The following TOPAZ1 variants were observed in gnomAD, a reference collection of about 807,000 sequenced individuals.
The protein encoded by TOPAZ1 is protein TOPAZ1.
A neutral mutation model predicts 172.2 loss-of-function variants in TOPAZ1; 66 were observed. The ratio of observed to expected loss-of-function variants is 0.38; its 90% CI spans 0.31 to 0.47. The LOEUF (loss-of-function observed/expected upper bound fraction) is 0.47, where lower values mean the gene tolerates loss of function less well. TOPAZ1 is among the 20% of genes least tolerant of loss of function. The probability of loss-of-function intolerance (pLI) is 0.99; values close to 1 mark genes in which losing one functional copy is unlikely to be tolerated. For missense variants in TOPAZ1, 1,822 were observed against 1,972.4 expected (o/e 0.92, Z 1.44); for synonymous variants, 681 against 683.9 (o/e 1.00, Z 0.07).
chr3:44,331,714 A>G, intron 19 of TOPAZ1, 78 bp from the exon 20 acceptor site: 1 of 1,115,796 alleles, frequency 9.0e-7, no homozygotes, highest in South Asian at 1.4e-5. Flanking sequence ...AGTACCAGTA[A>G]ATGTAAATGA....
At chr3:44,282,186 T>G (rs1329677478) in intron 9 of TOPAZ1, among the ~76,000 whole-genome samples, 155 bp downstream of exon 9, 1 of 152,152 alleles carries the variant, frequency 6.6e-6, no homozygotes, top group Non-Finnish European at 1.5e-5. Context: ...AATGAGATAT[T>G]TTGGTTAATA....
intron 16 of TOPAZ1, among the ~76,000 whole-genome samples, chr3:44,318,428 G>A (rs1418956297): frequency 6.7e-6 from 1 of 149,962 alleles, no homozygotes; most frequent in Non-Finnish European, 1.5e-5. Context: ...CTCCAGCCCG[G>A]GTGACAGACT....
At chr3:44,298,893 A>ATT in intron 12 of TOPAZ1, among the ~76,000 whole-genome samples, 1 of 7,290 alleles carries the variant, frequency 1.4e-4, no homozygotes, top group East Asian at 0.012. Flanking sequence ...TATATATATT[A>ATT]TATATATATA....
rs138444572 is a variant in TOPAZ1 at position 44,317,346 on chromosome 3, G to A, written c.4307-3681G>A. 1.1e-3 allele frequency among the ~76,000 whole-genome samples: 172 copies of A among 152,202 alleles called. 1 individual carries two copies. The highest frequency in any genetic ancestry group is 3.9e-3 in the African/African-American group (162 of 41,500). ...TGAGGCACAAGAATCATTTAAACCC[G>A]GGAAGCAGAGGTTGCAGTGAGCCAA... On this transcript the variant is annotated intron_variant, in intron 16 of 19. Coordinates refer to ENST00000309765, the MANE Select transcript of TOPAZ1 (RefSeq NM_001145030.2).
intron 16 of TOPAZ1, among the ~76,000 whole-genome samples, chr3:44,316,021 G>C (rs1380109779): frequency 6.6e-6 from 1 of 151,962 alleles, no homozygotes; most frequent in East Asian, 1.9e-4. Flanking sequence ...GATCATTTGA[G>C]CTCAGGAGTT....
At chr3:44,314,924 G>A (rs561911803) in intron 16 of TOPAZ1, among the ~76,000 whole-genome samples, 11 of 152,254 alleles carry the variant, frequency 7.2e-5, no homozygotes, top group Admixed American at 2.6e-4. Context: ...ACATAGTGAC[G>A]TTTTCTCATA....
intron 15 of TOPAZ1, among the ~76,000 whole-genome samples, chr3:44,309,599 TG>T (rs1700375831): frequency 6.6e-6 from 1 of 152,086 alleles, no homozygotes; most frequent in South Asian, 2.1e-4. Flanking sequence ...GTGGTATTGG[TG>T]GGAAGAGGTG....
intron 2 of TOPAZ1, among the ~76,000 whole-genome samples, chr3:44,252,566 A>G (rs1699646752): frequency 6.6e-6 from 1 of 152,200 alleles, no homozygotes; most frequent in Non-Finnish European, 1.5e-5. Flanking sequence ...GTGAAAGGCT[A>G]ATAATGAAAG....
intron 5 of TOPAZ1, among the ~76,000 whole-genome samples, chr3:44,264,856 A>G (rs1369799773): frequency 1.3e-5 from 2 of 152,220 alleles, no homozygotes; most frequent in African/African-American, 4.8e-5. Context: ...ATCCATAAGA[A>G]GCAACTCTTA....
rs185483036 is a variant in TOPAZ1, at chr3:44,316,441, T to C, written c.4307-4586T>C. 1.8e-3 allele frequency among the ~76,000 whole-genome samples: 270 copies of C among 152,300 alleles called. 1 individual carries two copies. The highest frequency in any genetic ancestry group is 3.4e-3 in the Non-Finnish European group (233 of 68,022). On this transcript the variant is annotated intron_variant, in intron 16 of 19. Coordinates refer to ENST00000309765, the MANE Select transcript of TOPAZ1 (RefSeq NM_001145030.2). ...CCATCAGTGATGTGTATATCACACTTAGGAAATATCACACTGTATAATAAT... is the reference window on the plus strand; with the variant it reads ...CCATCAGTGATGTGTATATCACACTCAGGAAATATCACACTGTATAATAAT...
chr3:44,262,438 T>G lies in TOPAZ1; in HGVS notation c.2975T>G (p.Val992Gly), dbSNP rs1391532481. 2 of 1,489,238 alleles carry G rather than the reference T, an allele frequency of 1.3e-6. No individual in the cohort carries two copies. The highest frequency in any genetic ancestry group is 4.0e-5 in the Admixed American group (2 of 49,474). 92.3% of individuals were successfully genotyped at this position (1,489,238 alleles called of 1,614,324 possible). A position where few individuals can be genotyped will look rare whatever the true frequency, so the allele number is the denominator to read the frequency against. Residue 992 changes from valine (V) to glycine (G), a missense_variant, in exon 5 of 20, where the codon GTG becomes GGG. By Grantham distance (109) the Val-to-Gly change is moderately radical (BLOSUM62 -3). Transcript: ENST00000309765. ...TCACAGCATAGATTTACAGACAAAG[T>G]GATTACCAAAGAAGAAAAAGAAAAT... is the stretch of plus-strand genomic sequence containing the variant. ...LDEKHRFTDK[V>G]ITKEEKENIY...
intron 15 of TOPAZ1, among the ~76,000 whole-genome samples, chr3:44,309,521 A>T (rs371057964): frequency 6.6e-6 from 1 of 152,264 alleles, no homozygotes; most frequent in Non-Finnish European, 1.5e-5. Flanking sequence ...CTTTCATCAC[A>T]TGAAATCTTA....
In TOPAZ1 at chr3:44,243,459, A is replaced by T; in HGVS notation, c.953A>T (p.Lys318Ile). ...LLSCLQHEKN[K>I]YSIEESSVGR... The stretch of plus-strand genomic sequence containing the variant: ...TCCTGCCTTCAACATGAAAAAAATA[A>T]ATATTCAATAGAGGAGAGCAGTGTT... The change falls in exon 2 of 20, where the codon AAA becomes ATA. Residue 318 changes from lysine to isoleucine, a missense_variant. Around this residue, in one of 2 missense-constraint regions of TOPAZ1, gnomAD observed 1,489 missense variants for 1,490.8 expected, o/e 1.00. Transcript: ENST00000309765. The T allele has an allele frequency of 1.3e-6, 2 of 1,551,738 alleles. No homozygotes were observed. The highest frequency in any genetic ancestry group is 1.7e-6 in the Non-Finnish European group (2 of 1,146,982).
Position 44,242,228 on chromosome 3 carries a change from G to A in TOPAZ1, c.175G>A (p.Gly59Arg), listed in dbSNP as rs1699488243. ...KRRMVARATP[G>R]RGEVESDKSV... ...GAGAATGGTGGCCCGGGCCACCCCT[G>A]GGAGAGGCGAGGTGGAAAGTGATAA... is the stretch of plus-strand genomic sequence containing the variant. The change falls in exon 1 of 20, where the codon GGG becomes AGG. Residue 59 changes from glycine (G) to arginine (R), a missense_variant. Gly to Arg is a moderately radical substitution (Grantham distance 125). This residue lies in a region of TOPAZ1 where 1,489 missense variants were observed against 1,490.8 expected (regional missense o/e 1.00). Coordinates refer to ENST00000309765, the MANE Select transcript of TOPAZ1 (RefSeq NM_001145030.2). The A allele has an allele frequency of 1.9e-6, 3 of 1,546,940 alleles. No individual in the cohort carries two copies. Among genetic ancestry groups the A allele is most frequent in the African/African-American group, 1.4e-5 (1 of 72,580 alleles).
intron 12 of TOPAZ1, among the ~76,000 whole-genome samples, chr3:44,293,362 A>C (rs182966628): frequency 6.6e-6 from 1 of 152,302 alleles, no homozygotes; most frequent in East Asian, 1.9e-4. Context: ...TTCCAGAAGT[A>C]GGCATTATTG....
chr3:44,301,467 A>G (rs1228164656), intron 12 of TOPAZ1, among the ~76,000 whole-genome samples: 1 of 152,202 alleles, frequency 6.6e-6, no homozygotes, highest in Non-Finnish European at 1.5e-5. Flanking sequence ...CCTCCAGAAT[A>G]CTTGTACCCA....
In TOPAZ1 at chr3:44,278,052, C is replaced by T. The variant is rs1055623305; in HGVS notation, c.3373-3916C>T. ...GGCCTTTACTATATTGAGGTGTATT[C>T]CTCCTTTGCCTAGTTTATTGAGATT... is the stretch of plus-strand genomic sequence containing the variant. On this transcript the variant is annotated intron_variant, in intron 8 of 19. Transcript: ENST00000309765. Among the ~76,000 whole-genome samples the T allele has an allele frequency of 2.6e-5, 4 of 152,236 alleles. No individual in the cohort carries two copies. The East Asian group carries it at 7.7e-4, about 29-fold the overall frequency.
intron 15 of TOPAZ1, among the ~76,000 whole-genome samples, chr3:44,307,470 T>G (rs1049710894): frequency 6.6e-6 from 1 of 152,252 alleles, no homozygotes. Flanking sequence ...GTTTAGTGAC[T>G]CAAGACCATG....
In TOPAZ1 at chr3:44,298,888, A is replaced by AT. The variant is rs1319574044; in HGVS notation, c.3798-5126dup. On this transcript the variant is annotated intron_variant, in intron 12 of 19. Coordinates refer to ENST00000309765, the MANE Select transcript of TOPAZ1 (RefSeq NM_001145030.2). ...TGTATAATATATATTTTATGTATATATATTATATATATATATATATATTTT... is the reference window on the plus strand; with the variant it reads ...TGTATAATATATATTTTATGTATATATTATTATATATATATATATATATTTT... Among the ~76,000 whole-genome samples the AT allele has an allele frequency of 9.0e-4, 30 of 33,222 alleles. 4 individuals are homozygous for AT. Among genetic ancestry groups the AT allele is most frequent in the East Asian group, 4.9e-3 (2 of 406 alleles). The allele number at this position is 33,222 out of a possible 152,430, so 21.8% of individuals were successfully genotyped here.
Sources: allele counts gnomAD v4.1 joint callset (sites outside exome capture counted in the v4.1 genomes callset), GRCh38; gene constraint gnomAD v4.1.1; regional missense constraint gnomAD v4.1.1; transcripts MANE v1.5; gene names NCBI Gene and HGNC (gene_info 2026-07-23, HGNC 2026-07-21).